Variants in ELF1 observed in about 807,000 individuals in gnomAD.
ELF1 encodes the protein E74 like ETS transcription factor 1, also known as ETS-related transcription factor Elf-1.
ELF1 carries 24 observed loss-of-function variants against 59.9 expected under a neutral mutation model. That is an observed-to-expected ratio of 0.40 (90% CI 0.29 to 0.56). ELF1 has a LOEUF of 0.56. Ranked by LOEUF, ELF1 falls within the 20% of genes least tolerant of loss-of-function variation. The pLI, the probability that ELF1 is intolerant of heterozygous loss-of-function variation, is 0.44. For missense variants in ELF1, 627 were observed against 742.2 expected, an observed-to-expected ratio of 0.84 and a Z score of 1.80; for synonymous variants, 248 against 266.2, an observed-to-expected ratio of 0.93 and a Z score of 0.67.
At chr13:41,025,317 C>T (rs1874017133) in intron 1 of ELF1, among the ~76,000 whole-genome samples, 1 of 152,192 alleles carries the variant, frequency 6.6e-6, no homozygotes, top group Non-Finnish European at 1.5e-5. Flanking sequence ...TCCATCAAGT[C>T]TCAATTTCAA....
At position 40,974,567 on chromosome 13, in the gene ELF1, G is replaced by A. The variant is rs375512243; in HGVS notation, c.72+7416C>T. Among the ~76,000 whole-genome samples the A allele has an allele frequency of 9.9e-5, 15 of 152,048 alleles. No individual in the cohort carries two copies. In the East Asian group the frequency reaches 1.3e-3, roughly 14 times the overall value. On this transcript the variant is annotated intron_variant, in intron 2 of 8. Coordinates refer to ENST00000239882, the MANE Select transcript of ELF1 (RefSeq NM_172373.4). ...AATCCCTATAAAGCACAGTGCATGG[G>A]GCAAGATGCTCACTAAACACTAGCT...
At chr13:41,049,846 C>G (rs1877010482) in intron 1 of ELF1, among the ~76,000 whole-genome samples, 1 of 152,214 alleles carries the variant, frequency 6.6e-6, no homozygotes, top group Admixed American at 6.5e-5. Flanking sequence ...GTCTCTCCCA[C>G]TAAACTGCAA....
chr13:40,943,218 T>A (rs1482345205), intron 6 of ELF1, 74 bp from the exon 7 acceptor site: 8 of 1,280,148 alleles, frequency 6.2e-6, no homozygotes, highest in Non-Finnish European at 7.3e-6. Flanking sequence ...CAACTAAAAG[T>A]CTTAGAAGTG....
intron 1 of ELF1, among the ~76,000 whole-genome samples, chr13:41,007,109 A>G (rs1452010693): frequency 6.6e-6 from 1 of 152,084 alleles, no homozygotes; most frequent in Non-Finnish European, 1.5e-5. Context: ...AATATCTCGG[A>G]TGCACAAAGC....
intron 1 of ELF1, among the ~76,000 whole-genome samples, chr13:41,029,145 A>G (rs1876065655): frequency 6.6e-6 from 1 of 152,192 alleles, no homozygotes; most frequent in Non-Finnish European, 1.5e-5. Context: ...TGCATTTTCA[A>G]TTGTATGCAG....
intron 1 of ELF1, among the ~76,000 whole-genome samples, chr13:41,002,601 AG>A (rs1874523244): frequency 6.6e-6 from 1 of 150,558 alleles, no homozygotes; most frequent in African/African-American, 2.4e-5. Flanking sequence ...AAAAAAAAAA[AG>A]GCAAGTCCCA....
At chr13:40,980,197 T>C (rs1873171435) in intron 2 of ELF1, among the ~76,000 whole-genome samples, 2 of 152,100 alleles carry the variant, frequency 1.3e-5, no homozygotes, top group Admixed American at 1.3e-4. Flanking sequence ...ACTGGCTGAG[T>C]TCAAATTGTG....
chr13:41,032,667 C>G (rs760237256), intron 1 of ELF1, among the ~76,000 whole-genome samples: 5 of 151,912 alleles, frequency 3.3e-5, no homozygotes, highest in Non-Finnish European at 5.9e-5. Context: ...CTGGGCAACA[C>G]AGTGAGACCC....
rs75810168 is a variant in ELF1 at position 40,933,225 on chromosome 13, C to A, written c.*200G>T. On this transcript the variant is annotated 3_prime_UTR_variant, in exon 9 of 9. Transcript: ENST00000239882. ...ATAGTGTAAAATGCCTGTTCCTTCA[C>A]GATTGAATTCTGAAACATTTAGATA... The A allele has an allele frequency of 2.3e-3, 1,478 of 646,190 alleles. 19 individuals are homozygous for A. In the African/African-American group the frequency reaches 0.025, roughly 11 times the overall value. The allele number at this position is 646,190 out of a possible 1,614,324, so 40.0% of individuals were successfully genotyped here.
rs557963008 is a variant in ELF1 at position 40,935,930 on chromosome 13, G to A, written c.1257-1902C>T. Among the ~76,000 whole-genome samples the A allele has an allele frequency of 5.3e-5, 8 of 152,096 alleles. 1 individual carries two copies. The highest frequency in any genetic ancestry group is 3.9e-4 in the Admixed American group (6 of 15,274). On this transcript the variant is annotated intron_variant, in intron 8 of 8. Transcript: ENST00000239882. Reference sequence around the variant, plus strand: ...CATCATTGGCATCACGTGAGCCACCGTGCCCAGCCCAGATACCATTTTTAA... The same window carrying A: ...CATCATTGGCATCACGTGAGCCACCATGCCCAGCCCAGATACCATTTTTAA...
chr13:40,996,103 T>C (rs1197911089), intron 1 of ELF1, among the ~76,000 whole-genome samples: 2 of 152,074 alleles, frequency 1.3e-5, no homozygotes, highest in African/African-American at 4.8e-5. Flanking sequence ...AAATGCAAAC[T>C]AAAATGACAA....
intron 1 of ELF1, among the ~76,000 whole-genome samples, chr13:40,994,615 C>T (rs1201380673): frequency 1.3e-5 from 2 of 152,150 alleles, no homozygotes; most frequent in African/African-American, 4.8e-5. Flanking sequence ...TGCCCTCCAG[C>T]CTGGGCAACA....
intron 1 of ELF1, among the ~76,000 whole-genome samples, chr13:41,034,415 T>C (rs892510932): frequency 1.3e-5 from 2 of 152,236 alleles, no homozygotes; most frequent in Non-Finnish European, 2.9e-5. Context: ...ATAAAAAATA[T>C]ACACGACTTC....
intron 1 of ELF1, among the ~76,000 whole-genome samples, chr13:41,049,787 G>C (rs1443502842): frequency 2.0e-5 from 3 of 152,254 alleles, no homozygotes; most frequent in Admixed American, 2.0e-4. Context: ...GGGTCTCCCT[G>C]CCATGCGTGT....
rs1869591067 is a variant in ELF1, at chr13:40,933,937, T to C, written c.1348A>G (p.Thr450Ala). 2 of 1,614,246 alleles carry C rather than the reference T, an allele frequency of 1.2e-6. No individual in the cohort carries two copies. Among genetic ancestry groups the C allele is most frequent in the Non-Finnish European group, 8.5e-7 (1 of 1,180,038 alleles). The change falls in exon 9 of 9, where the codon ACA (threonine) becomes GCA (alanine). Residue 450 changes from threonine to alanine, a missense_variant. Coordinates refer to ENST00000239882, the MANE Select transcript of ELF1 (RefSeq NM_172373.4). The part of the protein sequence containing the change: ...TVTLQTVPLT[T>A]VIASTDPSAG... The stretch of plus-strand genomic sequence containing the variant: ...GATGGATCTGTGCTGGCTATAACTG[T>C]TGTGAGTGGCACTGTTTGGAGTGTT...
At chr13:41,043,782 T>C (rs1370029079) in intron 1 of ELF1, among the ~76,000 whole-genome samples, 1 of 152,208 alleles carries the variant, frequency 6.6e-6, no homozygotes, top group Non-Finnish European at 1.5e-5. Flanking sequence ...CTTGGCAATG[T>C]GGGCTCTTTT....
exon 1 of ELF1, chr13:41,060,982 GC>G: frequency 3.5e-6 from 1 of 288,802 alleles, no homozygotes; most frequent in Non-Finnish European, 6.9e-6. Context: ...TAGGGAACAA[GC>G]CCCATCCGAG....
intron 1 of ELF1, among the ~76,000 whole-genome samples, chr13:40,985,598 C>A (rs1337204766): frequency 2.0e-5 from 3 of 152,188 alleles, no homozygotes; most frequent in Admixed American, 6.5e-5. Flanking sequence ...GGTTCAGCTT[C>A]TGAGCTCCAA....
intron 1 of ELF1, among the ~76,000 whole-genome samples, chr13:41,030,227 C>T (rs1407316982): frequency 2.0e-5 from 3 of 152,040 alleles, no homozygotes; most frequent in Non-Finnish European, 4.4e-5. Context: ...GAAAAAAAGG[C>T]ATGTGTGTTT....
Sources: allele counts gnomAD v4.1 joint callset (sites outside exome capture counted in the v4.1 genomes callset), GRCh38; gene constraint gnomAD v4.1.1; transcripts MANE v1.5; gene names NCBI Gene and HGNC (gene_info 2026-07-23, HGNC 2026-07-21).